The following SLC35F1 variants were observed in gnomAD, a reference collection of about 807,000 sequenced individuals.
SLC35F1 encodes the protein chromosome 6 open reading frame 169.
Under a neutral mutation model 48.7 loss-of-function variants are expected in SLC35F1, and 14 were observed. The observed-to-expected ratio is 0.29, with a 90% CI of 0.19 to 0.45. The LOEUF is 0.45. SLC35F1 is among the 20% of genes least tolerant of loss of function. The pLI, the probability that SLC35F1 is intolerant of heterozygous loss-of-function variation, is 1.00. For missense variants in SLC35F1, 404 were observed against 500.0 expected (o/e 0.81, Z 1.83); for synonymous variants, 190 against 202.2 (o/e 0.94, Z 0.51).
intron 1 of SLC35F1, among the ~76,000 whole-genome samples, chr6:118,090,795 C>T (rs35458691): frequency 0.2 from 29,686 of 152,066 alleles, 3,693 homozygotes; most frequent in East Asian, 0.41. Context: ...CAAATTAATA[C>T]TTTAAGAAAT....
chr6:118,079,691 G>C (rs1772876581), intron 1 of SLC35F1, among the ~76,000 whole-genome samples: 1 of 152,134 alleles, frequency 6.6e-6, no homozygotes, highest in Admixed American at 6.5e-5. Flanking sequence ...CTTCTCTCAT[G>C]TGTCCTGGTG....
chr6:118,101,545 G>A (rs1773258164), intron 1 of SLC35F1, among the ~76,000 whole-genome samples: 1 of 152,208 alleles, frequency 6.6e-6, no homozygotes, highest in Admixed American at 6.5e-5. Flanking sequence ...AATAGGGATG[G>A]AGACAGAGCT....
chr6:118,104,410 T>C (rs1341106673), intron 1 of SLC35F1, among the ~76,000 whole-genome samples: 2 of 152,208 alleles, frequency 1.3e-5, no homozygotes, highest in Non-Finnish European at 2.9e-5. Context: ...AATAATAATA[T>C]TGAGCTTATA....
Position 117,946,004 on chromosome 6 carries a change from ATGT to A in SLC35F1, c.173+38112_173+38114del, listed in dbSNP as rs1486981112. On this transcript the variant is annotated intron_variant, in intron 1 of 7. Transcript: ENST00000360388. ...AGAGTTTTGAAAGTAATTGCAGTTT[ATGT>A]TGTTGTCTTAGAACTGAAGAACAGA... Among the ~76,000 whole-genome samples the A allele has an allele frequency of 1.1e-4, 16 of 152,300 alleles. 1 individual carries two copies. Among genetic ancestry groups the A allele is most frequent in the African/African-American group, 3.6e-4 (15 of 41,564 alleles).
chr6:118,276,915 C>T (rs999852792), intron 5 of SLC35F1, among the ~76,000 whole-genome samples: 2 of 152,094 alleles, frequency 1.3e-5, no homozygotes, highest in African/African-American at 2.4e-5. Context: ...TGCCACCTCC[C>T]CATTCTCTTC....
chr6:118,215,414 T>C (rs905475520), intron 2 of SLC35F1, among the ~76,000 whole-genome samples: 2 of 151,884 alleles, frequency 1.3e-5, no homozygotes, highest in Non-Finnish European at 2.9e-5. Flanking sequence ...TAATATGTAT[T>C]AAAGGTTATT....
chr6:118,203,244 TA>T (rs1774893409), intron 2 of SLC35F1, among the ~76,000 whole-genome samples: 1 of 152,210 alleles, frequency 6.6e-6, no homozygotes, highest in South Asian at 2.1e-4. Context: ...CTGAGGTTCA[TA>T]GGGCTCTGAG....
In SLC35F1 at chr6:117,966,066, T is replaced by C. The variant is rs1776559547; in HGVS notation, c.173+58167T>C. 4.1e-5 allele frequency among the ~76,000 whole-genome samples: 6 copies of C among 147,928 alleles called. No homozygotes were observed. In the South Asian group the frequency reaches 1.3e-3, roughly 31 times the overall value. ...CTCTGTAAAACCGACCAATCAGCTC[T>C]CTGTAAAATGGACCAATTAGCAGGA... is the stretch of plus-strand genomic sequence containing the variant. On this transcript the variant is annotated intron_variant, in intron 1 of 7. Transcript: ENST00000360388.
intron 2 of SLC35F1, among the ~76,000 whole-genome samples, chr6:118,198,510 A>C (rs987544800): frequency 6.6e-6 from 1 of 152,228 alleles, no homozygotes; most frequent in South Asian, 2.1e-4. Context: ...AAGGTAAAAA[A>C]TATTCTTATT....
chr6:118,310,162 G>A (rs1411811834), intron 7 of SLC35F1, among the ~76,000 whole-genome samples: 1 of 152,180 alleles, frequency 6.6e-6, no homozygotes, highest in African/African-American at 2.4e-5. Flanking sequence ...AGTTTGCAAA[G>A]GAGAAGACCT....
rs190302552 is a variant in SLC35F1, at chr6:117,926,430, T to C, written c.173+18531T>C. On this transcript the variant is annotated intron_variant, in intron 1 of 7. Transcript: ENST00000360388. Reference sequence around the variant, plus strand: ...AGTTTTTTTCGTAGCAGCATGAGGATGGACTGATACACACAGCTATGCTGA... The same window carrying C: ...AGTTTTTTTCGTAGCAGCATGAGGACGGACTGATACACACAGCTATGCTGA... Among the ~76,000 whole-genome samples, 11 of 152,234 alleles carry C rather than the reference T, an allele frequency of 7.2e-5. No individual in the cohort carries two copies. In the East Asian group the frequency reaches 2.1e-3, roughly 29 times the overall value.
intron 7 of SLC35F1, among the ~76,000 whole-genome samples, chr6:118,312,713 CT>C (rs1217097731): frequency 1.3e-5 from 2 of 152,000 alleles, no homozygotes; most frequent in Non-Finnish European, 2.9e-5. Context: ...GCAGGGATAC[CT>C]TTTTTTATGA....
chr6:118,124,718 T>C (rs1773599292), intron 1 of SLC35F1, among the ~76,000 whole-genome samples: 1 of 152,200 alleles, frequency 6.6e-6, no homozygotes, highest in South Asian at 2.1e-4. Context: ...AAACATTTTT[T>C]TCTTCTCCTT....
chr6:118,277,445 G>A, intron 5 of SLC35F1, 49 bp from the exon 6 acceptor site: 1 of 1,473,012 alleles, frequency 6.8e-7, no homozygotes, highest in Non-Finnish European at 9.5e-7. Context: ...AAAGAAAGTA[G>A]AGTGCATTCT....
intron 1 of SLC35F1, among the ~76,000 whole-genome samples, chr6:117,949,320 C>T (rs888946623): frequency 1.3e-5 from 2 of 152,106 alleles, no homozygotes; most frequent in East Asian, 3.9e-4. Context: ...CATGCTTCTC[C>T]AGTATTTTCT....
At chr6:117,920,311 G>T (rs1775881301) in intron 1 of SLC35F1, among the ~76,000 whole-genome samples, 1 of 152,212 alleles carries the variant, frequency 6.6e-6, no homozygotes, top group African/African-American at 2.4e-5. Context: ...CCGGACGGGG[G>T]CGAGTGTTCC....
intron 3 of SLC35F1, among the ~76,000 whole-genome samples, chr6:118,262,963 T>G (rs988641320): frequency 6.6e-6 from 1 of 152,178 alleles, no homozygotes; most frequent in Admixed American, 6.5e-5. Flanking sequence ...AGGTTCAAAT[T>G]GTAATCCTGT....
chr6:118,074,711 A>G (rs2114306841), intron 1 of SLC35F1, among the ~76,000 whole-genome samples: 1 of 152,298 alleles, frequency 6.6e-6, no homozygotes, highest in East Asian at 1.9e-4. Flanking sequence ...ATGCAGTGGC[A>G]TGATCACAAC....
intron 1 of SLC35F1, among the ~76,000 whole-genome samples, chr6:118,137,182 C>G (rs1041453447): frequency 6.6e-6 from 1 of 152,132 alleles, no homozygotes; most frequent in Non-Finnish European, 1.5e-5. Context: ...CTTCCACATC[C>G]TCTTGAACTA....
Sources: gnomAD v4.1 joint callset for allele counts (sites outside exome capture counted in the v4.1 genomes callset) on GRCh38, gnomAD v4.1.1 for gene constraint, MANE v1.5 for transcripts, NCBI Gene and HGNC (gene_info 2026-07-23, HGNC 2026-07-21) for gene names.